Variants in MORN5 observed in about 807,000 individuals in gnomAD.
MORN5 encodes MORN repeat-containing protein 5.
A neutral mutation model predicts 22.1 loss-of-function variants in MORN5; 21 were observed. The ratio of observed to expected loss-of-function variants is 0.95; its 90% CI spans 0.67 to 1.37. The LOEUF (loss-of-function observed/expected upper bound fraction) is 1.37. MORN5 is among the 40% of genes most tolerant of loss of function. MORN5 has a pLI of 0.00. For missense variants in MORN5, 211 were observed against 215.1 expected, an observed-to-expected ratio of 0.98 and a Z score of 0.12; for synonymous variants, 73 against 74.0, an observed-to-expected ratio of 0.99 and a Z score of 0.07.
intron 4 of MORN5, among the ~76,000 whole-genome samples, chr9:122,178,062 T>C (rs1428714902): frequency 4.6e-5 from 7 of 152,144 alleles, no homozygotes; most frequent in East Asian, 1.9e-4. Context: ...AATTAGTTAA[T>C]AAAAACAAAT....
chr9:122,164,916 CTCTT>C (rs1244709285), intron 1 of MORN5, among the ~76,000 whole-genome samples: 1 of 152,242 alleles, frequency 6.6e-6, no homozygotes, highest in Middle Eastern at 3.2e-3. Flanking sequence ...TCACTGACTA[CTCTT>C]TCTGTTTCCT....
At chr9:122,196,483 A>G (rs1194503211) in intron 4 of MORN5, among the ~76,000 whole-genome samples, 1 of 149,600 alleles carries the variant, frequency 6.7e-6, no homozygotes, top group African/African-American at 2.5e-5. Context: ...ATAGGCACCC[A>G]CCACCACGCC....
intron 1 of MORN5, among the ~76,000 whole-genome samples, chr9:122,160,583 T>C (rs1829181171): frequency 6.6e-6 from 1 of 151,868 alleles, no homozygotes; most frequent in Admixed American, 6.6e-5. Flanking sequence ...CCTTCCTTCC[T>C]TCCTACCTTC....
At chr9:122,174,679 A>G (rs1187307043) in intron 4 of MORN5, 52 bp downstream of exon 4, 4 of 1,612,828 alleles carry the variant, frequency 2.5e-6, no homozygotes, top group Non-Finnish European at 2.5e-6. Context: ...ACATATGAGT[A>G]TGTGCATCTG....
chr9:122,162,029 T>TAAC (rs1334392906), intron 1 of MORN5, among the ~76,000 whole-genome samples: 1 of 152,226 alleles, frequency 6.6e-6, no homozygotes, highest in East Asian at 1.9e-4. Flanking sequence ...TTTGTATTTT[T>TAAC]AACAACAGTT....
chr9:122,165,265 A>T (rs1002324078), intron 1 of MORN5, among the ~76,000 whole-genome samples: 8 of 152,000 alleles, frequency 5.3e-5, no homozygotes, highest in Non-Finnish European at 8.8e-5. Context: ...TTCACCCATA[A>T]AGAAACTGGT....
intron 4 of MORN5, among the ~76,000 whole-genome samples, chr9:122,194,195 G>T (rs1415255842): frequency 6.6e-6 from 1 of 152,174 alleles, no homozygotes; most frequent in Non-Finnish European, 1.5e-5. Context: ...GCTGGTCTCA[G>T]TCCCACCTGT....
chr9:122,193,252 A>G (rs1358627782), intron 4 of MORN5, among the ~76,000 whole-genome samples: 4 of 152,200 alleles, frequency 2.6e-5, no homozygotes, highest in African/African-American at 9.6e-5. Context: ...GAAATCCTAG[A>G]ATAATACACT....
intron 4 of MORN5, among the ~76,000 whole-genome samples, chr9:122,177,503 G>C (rs1269423399): frequency 6.6e-6 from 1 of 152,148 alleles, no homozygotes; most frequent in Non-Finnish European, 1.5e-5. Context: ...CGCGATCTTG[G>C]CTCCCTGCAA....
At chr9:122,169,317 C>T (rs1366793891) in intron 2 of MORN5, among the ~76,000 whole-genome samples, 4 of 152,196 alleles carry the variant, frequency 2.6e-5, no homozygotes, top group South Asian at 2.1e-4. Context: ...AAATGCTTCA[C>T]GTGTGCTATC....
intron 1 of MORN5, among the ~76,000 whole-genome samples, chr9:122,163,398 A>G (rs974759259): frequency 6.6e-6 from 1 of 152,244 alleles, no homozygotes; most frequent in African/African-American, 2.4e-5. Flanking sequence ...TGTAAAGCCC[A>G]CAGGCTTCCT....
chr9:122,199,091 A>G (rs1829956662), intron 4 of MORN5, among the ~76,000 whole-genome samples: 1 of 152,154 alleles, frequency 6.6e-6, no homozygotes, highest in Admixed American at 6.5e-5. Flanking sequence ...GGTCTTGCAC[A>G]GAGAGATGAT....
At chr9:122,185,201 G>T (rs1394912987) in intron 4 of MORN5, among the ~76,000 whole-genome samples, 2 of 151,406 alleles carry the variant, frequency 1.3e-5, no homozygotes, top group African/African-American at 2.4e-5. Context: ...GACTACAGGC[G>T]CCCACCACCA....
At chr9:122,172,332 C>G (rs1404335832) in intron 3 of MORN5, among the ~76,000 whole-genome samples, 1 of 150,154 alleles carries the variant, frequency 6.7e-6, no homozygotes, top group Non-Finnish European at 1.5e-5. Context: ...CCTATACCCT[C>G]AAGATAAGGT....
At chr9:122,196,169 G>A (rs2118790961) in intron 4 of MORN5, among the ~76,000 whole-genome samples, 1 of 151,674 alleles carries the variant, frequency 6.6e-6, no homozygotes, top group Non-Finnish European at 1.5e-5. Flanking sequence ...ATGTTGCCCA[G>A]GCTGGATTAA....
At chr9:122,177,598 A>G (rs997410589) in intron 4 of MORN5, among the ~76,000 whole-genome samples, 2 of 152,064 alleles carry the variant, frequency 1.3e-5, no homozygotes, top group Admixed American at 6.6e-5. Context: ...ATGCCCAGCT[A>G]ATTTTTGTAT....
chr9:122,172,068 C>T (rs1463401602), intron 3 of MORN5, among the ~76,000 whole-genome samples: 1 of 150,872 alleles, frequency 6.6e-6, no homozygotes, highest in Non-Finnish European at 1.5e-5. Flanking sequence ...GATCCTCCTG[C>T]CAAGTGATCT....
chr9:122,199,935 G>A lies in MORN5; in HGVS notation c.*4G>A, dbSNP rs775488433. 50 of 1,613,916 alleles carry A rather than the reference G, an allele frequency of 3.1e-5. No homozygotes were observed. The South Asian group carries it at 5.5e-4, about 18-fold the overall frequency. ...CCGTACCTGTCGAAAGGGCTAGGAT[G>A]AGATCGTGGGTCACAGGCCCGAGCC... On this transcript the variant is annotated 3_prime_UTR_variant, in exon 5 of 5. Transcript: ENST00000373764.
chr9:122,163,988 G>A (rs1369518574), intron 1 of MORN5, among the ~76,000 whole-genome samples: 3 of 152,072 alleles, frequency 2.0e-5, no homozygotes, highest in African/African-American at 4.8e-5. Flanking sequence ...GGACTCAAGC[G>A]ATCCTCCCAC....
Sources: gnomAD v4.1 joint callset for allele counts (sites outside exome capture counted in the v4.1 genomes callset) on GRCh38, gnomAD v4.1.1 for gene constraint, MANE v1.5 for transcripts, NCBI Gene and HGNC (gene_info 2026-07-23, HGNC 2026-07-21) for gene names.